The following SEMA5A variants were observed in gnomAD, a reference collection of about 807,000 sequenced individuals.
The protein encoded by SEMA5A is semaphorin 5A.
A neutral mutation model predicts 135.5 loss-of-function variants in SEMA5A; 55 were observed. The ratio of observed to expected loss-of-function variants is 0.41; its 90% CI spans 0.33 to 0.51. The LOEUF is 0.51. SEMA5A is among the 20% of genes least tolerant of loss of function. SEMA5A has a pLI of 0.37. For missense variants in SEMA5A, 1,290 were observed against 1,419.9 expected (o/e 0.91, Z 1.47); for synonymous variants, 580 against 546.5 (o/e 1.06, Z -0.85).
At chr5:9,469,120 T>C (rs1470222626) in intron 1 of SEMA5A, among the ~76,000 whole-genome samples, 3 of 152,186 alleles carry the variant, frequency 2.0e-5, no homozygotes, top group Non-Finnish European at 4.4e-5. Context: ...GCGATTCTCC[T>C]GCCTCAGCCT....
intron 12 of SEMA5A, among the ~76,000 whole-genome samples, chr5:9,141,964 A>T (rs1742087552): frequency 6.6e-6 from 1 of 152,196 alleles, no homozygotes; most frequent in Admixed American, 6.5e-5. Context: ...ATTCTTACAC[A>T]TGGGATTTTA....
intron 3 of SEMA5A, among the ~76,000 whole-genome samples, chr5:9,343,001 T>G (rs1357709315): frequency 6.6e-6 from 1 of 152,194 alleles, no homozygotes; most frequent in Admixed American, 6.5e-5. Context: ...CTCTCCACTT[T>G]GAAAGTTACT....
chr5:9,504,954 A>G (rs1406042677), intron 1 of SEMA5A, among the ~76,000 whole-genome samples: 1 of 152,260 alleles, frequency 6.6e-6, no homozygotes, highest in African/African-American at 2.4e-5. Context: ...TGCTTGGTGT[A>G]ATAGATAGTA....
rs532272400 is a variant in SEMA5A, at chr5:9,181,129, C to T, written c.1273+9138G>A. On this transcript the variant is annotated intron_variant, in intron 11 of 22. Coordinates refer to ENST00000382496, the MANE Select transcript of SEMA5A (RefSeq NM_003966.3). ...GCCCCCAGGTACATCAGGGCATCTC[C>T]GCTTTTTTCCCTGAGGTTATTCTGA... Among the ~76,000 whole-genome samples the T allele has an allele frequency of 8.5e-5, 13 of 152,192 alleles. No individual in the cohort carries two copies. The East Asian group carries it at 1.7e-3, about 20-fold the overall frequency.
At chr5:9,357,998 G>T (rs1456611745) in intron 3 of SEMA5A, among the ~76,000 whole-genome samples, 1 of 152,124 alleles carries the variant, frequency 6.6e-6, no homozygotes, top group Non-Finnish European at 1.5e-5. Context: ...GTTGAATTTT[G>T]TCACACTAGA....
At chr5:9,474,392 G>A (rs936967221) in intron 1 of SEMA5A, among the ~76,000 whole-genome samples, 2 of 151,884 alleles carry the variant, frequency 1.3e-5, no homozygotes, top group Admixed American at 1.3e-4. Context: ...AGCTGTGAGA[G>A]GCATGAATCA....
chr5:9,379,907 G>A lies in SEMA5A; in HGVS notation c.40C>T (p.Leu14=). The A allele has an allele frequency of 6.2e-7, 1 of 1,613,956 alleles. No individual in the cohort carries two copies. Among genetic ancestry groups the A allele is most frequent in the Non-Finnish European group, 8.5e-7 (1 of 1,179,960 alleles). The change falls in exon 3 of 23, where the codon CTG becomes TTG. Residue 14 remains leucine (L), a synonymous_variant. Transcript: ENST00000382496. ...TCVIAWLFSS[L]GLWRLAHPEA... is the part of the protein sequence containing the mutation. ...GGGTGGGCGAGTCTCCACAGCCCCA[G>A]GCTTGAGAACAGCCATGCTATAACA...
At chr5:9,228,962 A>G (rs1411353719) in intron 6 of SEMA5A, among the ~76,000 whole-genome samples, 1 of 152,030 alleles carries the variant, frequency 6.6e-6, no homozygotes, top group Non-Finnish European at 1.5e-5. Flanking sequence ...TAATTTCTGT[A>G]TTTTCTTTAC....
chr5:9,340,276 C>T (rs1333711460), intron 3 of SEMA5A, among the ~76,000 whole-genome samples: 2 of 152,164 alleles, frequency 1.3e-5, no homozygotes, highest in Non-Finnish European at 2.9e-5. Flanking sequence ...GGGCTCTGTT[C>T]ACCACAACTC....
At chr5:9,358,895 T>G (rs911705056) in intron 3 of SEMA5A, among the ~76,000 whole-genome samples, 1 of 152,164 alleles carries the variant, frequency 6.6e-6, no homozygotes, top group African/African-American at 2.4e-5. Flanking sequence ...TTGAGGTACA[T>G]GATGAGATAA....
rs145553543 is a variant in SEMA5A at position 9,336,189 on chromosome 5, C to T, written c.224+1524G>A. Among the ~76,000 whole-genome samples, 641 of 152,090 alleles carry T rather than the reference C, an allele frequency of 4.2e-3. 10 individuals are homozygous for T. The highest frequency in any genetic ancestry group is 0.015 in the African/African-American group (602 of 41,454). On this transcript the variant is annotated intron_variant, in intron 4 of 22. Transcript: ENST00000382496. ...AGAAAGAGGTCAGAAGGGAAAAAGC[C>T]CAGAGGCAAGAAAGAGCATATTCCA...
intron 16 of SEMA5A, among the ~76,000 whole-genome samples, chr5:9,092,420 T>A (rs1739087440): frequency 6.6e-6 from 1 of 152,216 alleles, no homozygotes; most frequent in Non-Finnish European, 1.5e-5. Context: ...ATGTGCTCAA[T>A]CAATTCTTGC....
chr5:9,131,054 G>A (rs1288260075), intron 13 of SEMA5A, among the ~76,000 whole-genome samples: 2 of 152,138 alleles, frequency 1.3e-5, no homozygotes, highest in Non-Finnish European at 2.9e-5. Flanking sequence ...AGACCCCCTA[G>A]GTGTTTATTT....
At chr5:9,381,021 G>A (rs775618240) in intron 2 of SEMA5A, among the ~76,000 whole-genome samples, 34 of 152,316 alleles carry the variant, frequency 2.2e-4, no homozygotes, top group Non-Finnish European at 3.4e-4. Flanking sequence ...TGCTGTACTC[G>A]ATCTAGGAAG....
intron 1 of SEMA5A, among the ~76,000 whole-genome samples, chr5:9,532,440 C>CTTTTTTTT (rs4045370): frequency 7.7e-4 from 96 of 125,122 alleles, no homozygotes; most frequent in African/African-American, 8.9e-4. Flanking sequence ...TAATTTTTTT[C>CTTTTTTTT]TTTTTTTTTT....
chr5:9,380,433 C>T (rs888585629), intron 2 of SEMA5A, among the ~76,000 whole-genome samples: 1 of 152,160 alleles, frequency 6.6e-6, no homozygotes, highest in African/African-American at 2.4e-5. Flanking sequence ...AATACCTGCC[C>T]ATCCCTTTTT....
At chr5:9,422,364 C>T (rs374714402) in intron 2 of SEMA5A, 5 of 152,056 alleles carry the variant, frequency 3.3e-5, no homozygotes, top group African/African-American at 9.7e-5. Flanking sequence ...GTCTTTGACC[C>T]GAACCTAAAT....
chr5:9,217,974 C>G (rs1471743490), intron 8 of SEMA5A, among the ~76,000 whole-genome samples: 2 of 152,032 alleles, frequency 1.3e-5, no homozygotes, highest in East Asian at 3.9e-4. Flanking sequence ...CATATTCTCA[C>G]TTATAAATGA....
chr5:9,498,484 G>A (rs560086124), intron 1 of SEMA5A: 6 of 152,250 alleles, frequency 3.9e-5, no homozygotes, highest in African/African-American at 1.2e-4. Flanking sequence ...ATTTTTAAAA[G>A]ATAAATTTAA....
Sources: allele counts gnomAD v4.1 joint callset (sites outside exome capture counted in the v4.1 genomes callset), GRCh38; gene constraint gnomAD v4.1.1; transcripts MANE v1.5; gene names NCBI Gene and HGNC (gene_info 2026-07-23, HGNC 2026-07-21).